GRIP1: variants seen among roughly 807,000 people sequenced by gnomAD.
GRIP1 encodes glutamate receptor-interacting protein 1.
GRIP1 carries 45 observed loss-of-function variants against 129.9 expected under a neutral mutation model. The observed-to-expected ratio is 0.35, with a 90% CI of 0.27 to 0.44. The LOEUF (loss-of-function observed/expected upper bound fraction) is 0.44, where lower values mean the gene tolerates loss of function less well. GRIP1 is among the 20% of genes least tolerant of loss of function. GRIP1 has a pLI of 1.00. For synonymous variants in GRIP1, 530 were observed against 520.8 expected, an observed-to-expected ratio of 1.02 and a Z score of -0.24; for missense variants, 1,196 against 1,396.8, an observed-to-expected ratio of 0.86 and a Z score of 2.29.
At chr12:66,512,564 A>G (rs2138893764) in intron 7 of GRIP1, among the ~76,000 whole-genome samples, 1 of 151,916 alleles carries the variant, frequency 6.6e-6, no homozygotes, top group Admixed American at 6.6e-5. Context: ...AAAAGTTTTT[A>G]TGAAAAACAG....
At chr12:67,008,232 G>A (rs747383075) in intron 1 of GRIP1, among the ~76,000 whole-genome samples, 34 of 152,148 alleles carry the variant, frequency 2.2e-4, no homozygotes, top group Non-Finnish European at 2.9e-4. Flanking sequence ...GTACTGCCCC[G>A]TTCATGCTCA....
chr12:66,529,757 C>T (rs563490564), intron 5 of GRIP1, 74 bp downstream of exon 5: 30 of 869,494 alleles, frequency 3.5e-5, no homozygotes, highest in South Asian at 3.4e-4. Flanking sequence ...TAACCAAATA[C>T]CCAAATACCA....
chr12:66,680,366 T>G (rs946570465), upstream of GRIP1, among the ~76,000 whole-genome samples: 1 of 152,150 alleles, frequency 6.6e-6, no homozygotes, highest in South Asian at 2.1e-4. Context: ...GTATTTTGAG[T>G]CCAATAGAAA....
At chr12:66,406,190 C>A in intron 16 of GRIP1, 93 bp downstream of exon 16, 2 of 1,246,504 alleles carry the variant, frequency 1.6e-6, no homozygotes, top group South Asian at 1.2e-5. Context: ...ACATCACTAG[C>A]CAGCTGTTGT....
At chr12:66,933,284 G>A (rs768936711) in intron 1 of GRIP1, among the ~76,000 whole-genome samples, 1 of 152,210 alleles carries the variant, frequency 6.6e-6, no homozygotes, top group Admixed American at 6.5e-5. Flanking sequence ...AGAGGTTCAG[G>A]ATCATCAACA....
intron 1 of GRIP1, among the ~76,000 whole-genome samples, chr12:66,801,517 A>C (rs1449318503): frequency 6.6e-6 from 1 of 152,106 alleles, no homozygotes; most frequent in African/African-American, 2.4e-5. Flanking sequence ...CAAGATTATA[A>C]GTGATGCTGT....
chr12:66,923,843 ATT>A (rs796252427), intron 1 of GRIP1, among the ~76,000 whole-genome samples: 1 of 147,612 alleles, frequency 6.8e-6, no homozygotes, highest in Non-Finnish European at 1.5e-5. Flanking sequence ...ATTTTTCAGC[ATT>A]TTTTTTTTTA....
chr12:66,858,809 T>C (rs1281959655), intron 1 of GRIP1, among the ~76,000 whole-genome samples: 1 of 151,728 alleles, frequency 6.6e-6, no homozygotes. Flanking sequence ...GAGAGGGGGA[T>C]ATGAGGGAAA....
intron 1 of GRIP1, among the ~76,000 whole-genome samples, chr12:66,900,478 C>T (rs1043823083): frequency 3.9e-5 from 6 of 152,086 alleles, no homozygotes; most frequent in African/African-American, 7.2e-5. Flanking sequence ...TCCTAGCCTC[C>T]GGAACTGTGA....
chr12:66,894,480 T>G (rs10784594), intron 1 of GRIP1, among the ~76,000 whole-genome samples: 20,448 of 152,134 alleles, frequency 0.13, 1,823 homozygotes, highest in East Asian at 0.26. Flanking sequence ...CACTTTTTAA[T>G]TTTTGCATTA....
intron 1 of GRIP1, among the ~76,000 whole-genome samples, chr12:66,885,218 C>T (rs750392741): frequency 1.3e-5 from 2 of 152,224 alleles, no homozygotes; most frequent in East Asian, 3.9e-4. Flanking sequence ...TGGTGCCTCA[C>T]GCCCACGAAA....
intron 1 of GRIP1, among the ~76,000 whole-genome samples, chr12:66,772,036 T>C (rs1658295599): frequency 6.6e-6 from 1 of 152,122 alleles, no homozygotes; most frequent in South Asian, 2.1e-4. Flanking sequence ...ACTTGTATTC[T>C]AGATGCTGTG....
At chr12:66,719,139 C>A (rs928476350) in intron 1 of GRIP1, among the ~76,000 whole-genome samples, 2 of 152,032 alleles carry the variant, frequency 1.3e-5, no homozygotes, top group Non-Finnish European at 2.9e-5. Context: ...CAATACGAAA[C>A]AAAACATTTT....
rs751958461 is a variant in GRIP1 at position 66,349,136 on chromosome 12, C to A, written c.3270G>T (p.Gln1090His). 1 of 1,614,014 alleles carries A rather than the reference C, an allele frequency of 6.2e-7. No homozygotes were observed. The highest frequency in any genetic ancestry group is 1.7e-5 in the Admixed American group (1 of 60,030). The part of the protein sequence containing the change: ...LVISRNPLAS[Q>H]KSIDQQSLPG... ...GTAGACTCTGTTGGTCTATAGACTTCTGTGAAGCCAGTGGGTTTCTACTAA... is the reference window on the plus strand; with the variant it reads ...GTAGACTCTGTTGGTCTATAGACTTATGTGAAGCCAGTGGGTTTCTACTAA... Residue 1090 changes from glutamine to histidine, a missense_variant, in exon 25 of 25, where the codon CAG (glutamine) becomes CAT (histidine). This residue lies in a region of GRIP1 where 427 missense variants were observed against 463.3 expected (regional missense o/e 0.92). Coordinates refer to ENST00000359742, the MANE Select transcript of GRIP1 (RefSeq NM_001366722.1).
chr12:66,419,309 G>T (rs1042349029), intron 15 of GRIP1, among the ~76,000 whole-genome samples: 7 of 151,148 alleles, frequency 4.6e-5, no homozygotes, highest in South Asian at 4.2e-4. Flanking sequence ...GAAGGGTAGT[G>T]GGGGGGTCAG....
intron 1 of GRIP1, among the ~76,000 whole-genome samples, chr12:66,760,022 G>T (rs1239234614): frequency 6.6e-6 from 1 of 151,832 alleles, no homozygotes; most frequent in Non-Finnish European, 1.5e-5. Context: ...GCCTGGCTAA[G>T]TTTTTGTGTT....
chr12:66,736,346 A>ATTTTTTTT lies in GRIP1; in HGVS notation c.-420+67699_-420+67706dup, dbSNP rs547706592. Among the ~76,000 whole-genome samples, 56 of 67,008 alleles carry ATTTTTTTT rather than the reference A, an allele frequency of 8.4e-4. 7 individuals are homozygous for ATTTTTTTT. Among genetic ancestry groups the ATTTTTTTT allele is most frequent in the Non-Finnish European group, 1.3e-3 (46 of 36,454 alleles). 44.0% of individuals were successfully genotyped at this position (67,008 alleles called of 152,430 possible). A position where few individuals can be genotyped will look rare whatever the true frequency, so the allele number is the denominator to read the frequency against. On this transcript the variant is annotated intron_variant, in intron 1 of 4. Coordinates refer to the GRIP1 transcript ENST00000538373. Reference sequence around the variant, plus strand: ...AGGTGTGCACCACCGTGCCTGGCTAATTTTTTTTTTTTTTTTTTTTTTTTT... The same window carrying ATTTTTTTT: ...AGGTGTGCACCACCGTGCCTGGCTAATTTTTTTTTTTTTTTTTTTTTTTTTTTTTTTTT...
intron 2 of GRIP1, among the ~76,000 whole-genome samples, chr12:66,579,338 T>C (rs1032519496): frequency 1.2e-4 from 18 of 152,004 alleles, no homozygotes; most frequent in African/African-American, 3.9e-4. Context: ...CTGGAAACTC[T>C]AAAAAGCAAA....
intron 1 of GRIP1, among the ~76,000 whole-genome samples, chr12:67,033,145 C>A (rs1325661393): frequency 6.6e-6 from 1 of 151,792 alleles, no homozygotes. Flanking sequence ...AATAAAGAAA[C>A]CTCTTTCTTG....
Sources: gnomAD v4.1 joint callset for allele counts (sites outside exome capture counted in the v4.1 genomes callset) on GRCh38, gnomAD v4.1.1 for gene constraint, gnomAD v4.1.1 regional missense constraint, MANE v1.5 for transcripts, NCBI Gene and HGNC (gene_info 2026-07-23, HGNC 2026-07-21) for gene names.